The following PTPRM variants were observed in gnomAD, a reference collection of about 807,000 sequenced individuals.
PTPRM encodes the protein receptor-type tyrosine-protein phosphatase mu.
In PTPRM, 47 loss-of-function variants were observed where a neutral mutation model predicts 186.7. That is an observed-to-expected ratio of 0.25 (90% CI 0.20 to 0.32). The LOEUF (loss-of-function observed/expected upper bound fraction) is 0.32, where lower values mean the gene tolerates loss of function less well. Among genes scored for constraint, PTPRM ranks in the 10% least tolerant of loss-of-function variants. The probability of loss-of-function intolerance (pLI) is 1.00; values close to 1 mark genes in which losing one functional copy is unlikely to be tolerated. For synonymous variants in PTPRM, 668 were observed against 674.9 expected (o/e 0.99, Z 0.16); for missense variants, 1,494 against 1,865.0 (o/e 0.80, Z 3.66).
chr18:8,367,956 T>C (rs1056420082), intron 23 of PTPRM, among the ~76,000 whole-genome samples: 16 of 152,310 alleles, frequency 1.1e-4, no homozygotes, highest in African/African-American at 3.8e-4. Flanking sequence ...ATAAGGTGTT[T>C]TTATTAGGTA....
chr18:8,077,060 GT>G (rs1378629790), intron 9 of PTPRM, among the ~76,000 whole-genome samples: 1 of 152,044 alleles, frequency 6.6e-6, no homozygotes, highest in Non-Finnish European at 1.5e-5. Flanking sequence ...ACATAGTTTT[GT>G]CTACTGAGGC....
chr18:8,184,020 C>T (rs769455534), intron 14 of PTPRM, among the ~76,000 whole-genome samples: 22 of 152,162 alleles, frequency 1.4e-4, no homozygotes, highest in Non-Finnish European at 2.6e-4. Context: ...ACTGGAATGA[C>T]CAGGCAACCA....
At chr18:8,128,415 AT>A (rs1343094865) in intron 13 of PTPRM, among the ~76,000 whole-genome samples, 1 of 152,058 alleles carries the variant, frequency 6.6e-6, no homozygotes, top group Admixed American at 6.6e-5. Flanking sequence ...GATTTTTGAG[AT>A]TTTCAGCATC....
rs114961293 is a variant in PTPRM at position 8,233,664 on chromosome 18, C to A, written c.2301-10394C>A. On this transcript the variant is annotated intron_variant, in intron 14 of 32. Transcript: ENST00000580170. ...GAATTTTTATTGGAAAGATGTCTATCTTATCATTTTTTTTCATGGATTATC... is the reference window on the plus strand; with the variant it reads ...GAATTTTTATTGGAAAGATGTCTATATTATCATTTTTTTTCATGGATTATC... Among the ~76,000 whole-genome samples the A allele has an allele frequency of 6.0e-3, 914 of 151,980 alleles. 8 individuals carry two copies. Among genetic ancestry groups the A allele is most frequent in the African/African-American group, 0.021 (866 of 41,382 alleles).
chr18:7,808,528 A>G (rs1318644707), intron 2 of PTPRM, among the ~76,000 whole-genome samples: 1 of 152,252 alleles, frequency 6.6e-6, no homozygotes, highest in Non-Finnish European at 1.5e-5. Flanking sequence ...CTTTGTGAGG[A>G]TTAAAGCAAA....
intron 14 of PTPRM, among the ~76,000 whole-genome samples, chr18:8,147,015 G>A (rs866130439): frequency 3.3e-4 from 50 of 152,100 alleles, no homozygotes; most frequent in African/African-American, 1.1e-3. Flanking sequence ...CTATATATCC[G>A]TTTTGATACC....
At chr18:7,772,333 T>TTTTCTTTCTTTCTTTCTC (rs1270075826) in intron 1 of PTPRM, among the ~76,000 whole-genome samples, 22 of 145,538 alleles carry the variant, frequency 1.5e-4, no homozygotes, top group African/African-American at 4.7e-4. Context: ...TCGTTCTTTC[T>TTTTCTTTCTTTCTTTCTC]TTTCTTTCTT....
At chr18:7,695,679 A>G (rs1308206184) in intron 1 of PTPRM, among the ~76,000 whole-genome samples, 1 of 152,120 alleles carries the variant, frequency 6.6e-6, no homozygotes, top group Non-Finnish European at 1.5e-5. Context: ...TTTCATATAG[A>G]ATTATCTGCT....
At chr18:8,240,940 C>G (rs2094428801) in intron 14 of PTPRM, among the ~76,000 whole-genome samples, 1 of 152,206 alleles carries the variant, frequency 6.6e-6, no homozygotes, top group African/African-American at 2.4e-5. Flanking sequence ...CTTTCTGTCC[C>G]TGTGTCAACA....
chr18:8,199,644 C>T (rs967004920), intron 14 of PTPRM, among the ~76,000 whole-genome samples: 1 of 152,192 alleles, frequency 6.6e-6, no homozygotes, highest in African/African-American at 2.4e-5. Context: ...TTAAGTAATA[C>T]ATCACAGGGA....
chr18:8,291,267 T>G (rs1383605052), intron 19 of PTPRM, among the ~76,000 whole-genome samples: 1 of 152,118 alleles, frequency 6.6e-6, no homozygotes, highest in African/African-American at 2.4e-5. Flanking sequence ...GAGTTGGAGG[T>G]TGTGCTTAAA....
chr18:7,892,059 T>A (rs556894098), intron 3 of PTPRM, among the ~76,000 whole-genome samples: 43 of 152,310 alleles, frequency 2.8e-4, no homozygotes, highest in South Asian at 8.3e-4. Flanking sequence ...CTCTGGGACC[T>A]ATTCTAGGTT....
chr18:7,961,442 G>A (rs1271824686), intron 7 of PTPRM, among the ~76,000 whole-genome samples: 3 of 152,124 alleles, frequency 2.0e-5, no homozygotes, highest in African/African-American at 4.8e-5. Flanking sequence ...ATGTCATCAC[G>A]TGTGCGATTG....
In PTPRM at chr18:7,645,581, A is replaced by G. The variant is rs571315428; in HGVS notation, c.73+77690A>G. The stretch of plus-strand genomic sequence containing the variant: ...GTATTAAAAGCACAAATGCTAATAT[A>G]AACTGTGTAGCCTCAGAAGCAATAT... On this transcript the variant is annotated intron_variant, in intron 1 of 32. Transcript: ENST00000580170. Among the ~76,000 whole-genome samples, 34 of 152,342 alleles carry G rather than the reference A, an allele frequency of 2.2e-4. No homozygotes were observed. The East Asian group carries it at 6.2e-3, about 28-fold the overall frequency.
intron 2 of PTPRM, among the ~76,000 whole-genome samples, chr18:7,834,736 G>A (rs2045948489): frequency 6.6e-6 from 1 of 151,700 alleles, no homozygotes; most frequent in African/African-American, 2.4e-5. Flanking sequence ...CCATCATCAG[G>A]TCCTGGCATT....
chr18:8,234,928 A>T (rs1223762462), intron 14 of PTPRM, among the ~76,000 whole-genome samples: 1 of 152,090 alleles, frequency 6.6e-6, no homozygotes, highest in East Asian at 1.9e-4. Flanking sequence ...CATACCTGAA[A>T]TATATTCTAC....
chr18:7,869,136 G>A lies in PTPRM; in HGVS notation c.197-18970G>A, dbSNP rs575357958. On this transcript the variant is annotated intron_variant, in intron 2 of 32. Transcript: ENST00000580170. ...AGTGGATCTTAGCTTGCTGGGCTCCGTGGAGGTGGGATCTGCTGAGCTAGA... is the reference window on the plus strand; with the variant it reads ...AGTGGATCTTAGCTTGCTGGGCTCCATGGAGGTGGGATCTGCTGAGCTAGA... Among the ~76,000 whole-genome samples the A allele has an allele frequency of 7.9e-4, 120 of 152,312 alleles. 1 individual carries two copies. Among genetic ancestry groups the A allele is most frequent in the South Asian group, 1.4e-3 (7 of 4,830 alleles).
chr18:7,912,707 G>C (rs1180046264), intron 4 of PTPRM, among the ~76,000 whole-genome samples: 7 of 150,856 alleles, frequency 4.6e-5, no homozygotes, highest in Admixed American at 4.6e-4. Context: ...TTTTAGTAGA[G>C]ATGGCGTTTC....
chr18:8,202,419 G>C (rs1422477633), intron 14 of PTPRM, among the ~76,000 whole-genome samples: 1 of 152,136 alleles, frequency 6.6e-6, no homozygotes, highest in Non-Finnish European at 1.5e-5. Context: ...TCTCTGCTCA[G>C]TGTGGGCCCA....
Sources: gnomAD v4.1 joint callset for allele counts (sites outside exome capture counted in the v4.1 genomes callset) on GRCh38, gnomAD v4.1.1 for gene constraint, MANE v1.5 for transcripts, NCBI Gene and HGNC (gene_info 2026-07-23, HGNC 2026-07-21) for gene names.